The following RBFOX1 variants were observed in gnomAD, a reference collection of about 807,000 sequenced individuals.
The protein encoded by RBFOX1 is RNA binding protein fox-1 homolog 1.
In RBFOX1, 8 loss-of-function variants were observed where a neutral mutation model predicts 57.7. That is an observed-to-expected ratio of 0.14 (90% CI 0.08 to 0.25). The LOEUF (loss-of-function observed/expected upper bound fraction) is 0.25. Ranked by LOEUF, RBFOX1 falls within the 10% of genes least tolerant of loss-of-function variation. RBFOX1 has a pLI of 1.00. For synonymous variants in RBFOX1, 326 were observed against 222.4 expected (o/e 1.47, Z -4.15); for missense variants, 611 against 548.5 (o/e 1.11, Z -1.14).
At chr16:6,733,837 G>C (rs1204074998) in intron 3 of RBFOX1, among the ~76,000 whole-genome samples, 1 of 152,206 alleles carries the variant, frequency 6.6e-6, no homozygotes, top group Non-Finnish European at 1.5e-5. Context: ...GAAAGCAGGA[G>C]CTCACTCCAG....
intron 2 of RBFOX1, among the ~76,000 whole-genome samples, chr16:5,471,145 T>C (rs1007742193): frequency 1.3e-5 from 2 of 152,196 alleles, no homozygotes; most frequent in South Asian, 4.1e-4. Flanking sequence ...GATTGATTAC[T>C]TTTAAAAACT....
At chr16:6,144,854 C>T (rs2096745558) in intron 1 of RBFOX1, among the ~76,000 whole-genome samples, 1 of 152,074 alleles carries the variant, frequency 6.6e-6, no homozygotes, top group Non-Finnish European at 1.5e-5. Flanking sequence ...GTGAATCATC[C>T]CTCTTATGCA....
chr16:6,690,551 C>T (rs557482705), intron 3 of RBFOX1, among the ~76,000 whole-genome samples: 1 of 62,666 alleles, frequency 1.6e-5, no homozygotes, highest in Admixed American at 2.3e-4. Context: ...CAAAGATCAT[C>T]GTTTCAAAAC....
intron 4 of RBFOX1, among the ~76,000 whole-genome samples, chr16:5,956,200 C>G (rs2059635278): frequency 6.6e-6 from 1 of 152,104 alleles, no homozygotes. Flanking sequence ...TGCTTGAACC[C>G]AGGAGGTGGA....
At chr16:7,239,688 C>G (rs12933571) in intron 4 of RBFOX1, among the ~76,000 whole-genome samples, 12,135 of 152,148 alleles carry the variant, frequency 0.08, 561 homozygotes, top group East Asian at 0.19. Flanking sequence ...GATTATTTTA[C>G]TCTTCTGGGT....
At chr16:7,313,873 C>A (rs1458547883) in intron 4 of RBFOX1, among the ~76,000 whole-genome samples, 1 of 152,138 alleles carries the variant, frequency 6.6e-6, no homozygotes, top group Admixed American at 6.5e-5. Flanking sequence ...CCTCACTGTG[C>A]CGGCCAGTGG....
intron 3 of RBFOX1, among the ~76,000 whole-genome samples, chr16:6,972,054 T>A (rs1351916178): frequency 6.6e-6 from 1 of 152,176 alleles, no homozygotes; most frequent in African/African-American, 2.4e-5. Flanking sequence ...AAGACTTTTG[T>A]TTCCTTAACA....
At chr16:5,864,006 G>T (rs1216294591) in intron 3 of RBFOX1, among the ~76,000 whole-genome samples, 1 of 152,104 alleles carries the variant, frequency 6.6e-6, no homozygotes, top group Non-Finnish European at 1.5e-5. Flanking sequence ...TCATCCCCCA[G>T]GTATTAAGCC....
intron 2 of RBFOX1, among the ~76,000 whole-genome samples, chr16:6,596,691 A>G (rs2097779688): frequency 6.7e-6 from 1 of 149,936 alleles, no homozygotes; most frequent in Admixed American, 6.6e-5. Context: ...TTATAAATAC[A>G]GTTGATTCTA....
chr16:7,547,596 G>A (rs1567769334), intron 5 of RBFOX1, among the ~76,000 whole-genome samples: 1 of 152,150 alleles, frequency 6.6e-6, no homozygotes, highest in African/African-American at 2.4e-5. Context: ...CCACACTGCT[G>A]GCAGTGTTAG....
intron 3 of RBFOX1, among the ~76,000 whole-genome samples, chr16:6,967,539 C>T (rs1047876008): frequency 2.0e-5 from 3 of 152,122 alleles, no homozygotes. Flanking sequence ...GCTGAATAGA[C>T]TGACTTGCTT....
intron 3 of RBFOX1, among the ~76,000 whole-genome samples, chr16:6,916,108 G>A (rs186944205): frequency 6.6e-6 from 1 of 152,256 alleles, no homozygotes; most frequent in East Asian, 1.9e-4. Context: ...CATAAGCGCT[G>A]TGTACAAGAC....
intron 1 of RBFOX1, among the ~76,000 whole-genome samples, chr16:5,281,619 C>A (rs748688678): frequency 2.0e-5 from 3 of 152,154 alleles, no homozygotes; most frequent in Non-Finnish European, 4.4e-5. Context: ...ATGTTGGTTG[C>A]ATGCATATTT....
chr16:5,908,095 T>TATATATATATATATACAC (rs1567133450), intron 4 of RBFOX1, among the ~76,000 whole-genome samples: 13 of 139,876 alleles, frequency 9.3e-5, no homozygotes, highest in African/African-American at 3.9e-4. Flanking sequence ...TACACATATA[T>TATATATATATATATACAC]ACACATATAT....
chr16:6,231,174 C>T (rs17139608), intron 1 of RBFOX1, among the ~76,000 whole-genome samples: 29,682 of 151,008 alleles, frequency 0.2, 3,676 homozygotes, highest in East Asian at 0.45. Context: ...AAAAGGAAGT[C>T]GGGGCTGTTT....
rs142286724 is a variant in RBFOX1 at position 5,793,333 on chromosome 16, T to C, written c.319-73970T>C. Among the ~76,000 whole-genome samples, 389 of 152,384 alleles carry C rather than the reference T, an allele frequency of 2.6e-3. 1 individual carries two copies. Among genetic ancestry groups the C allele is most frequent in the African/African-American group, 8.0e-3 (331 of 41,596 alleles). ...TAACCGTGTTTGTTTCTGTCTTTTC[T>C]TGTTTTGTCAACATGCCATTGAAAA... On this transcript the variant is annotated intron_variant, in intron 3 of 19. Coordinates refer to the RBFOX1 transcript ENST00000641259.
rs13336760 is a variant in RBFOX1 at position 5,545,683 on chromosome 16, G to A, written c.259-53219G>A. On this transcript the variant is annotated intron_variant, in intron 2 of 2. Coordinates refer to the RBFOX1 transcript ENST00000585867. ...TTAAAAAAAAACCCCTCATCAAGTA[G>A]GAATGTAAGGAAATTACTTTGATAA... Among the ~76,000 whole-genome samples the A allele has an allele frequency of 6.8e-3, 1,040 of 152,020 alleles. 14 individuals carry two copies. Among genetic ancestry groups the A allele is most frequent in the African/African-American group, 0.024 (977 of 41,484 alleles).
chr16:6,357,963 G>GA (rs112841567), intron 2 of RBFOX1, among the ~76,000 whole-genome samples: 44,406 of 114,942 alleles, frequency 0.39, 8,031 homozygotes, highest in African/African-American at 0.57. Context: ...TCTCAAAAAA[G>GA]AAAAAAAAAA....
intron 4 of RBFOX1, among the ~76,000 whole-genome samples, chr16:7,482,542 ATTTTTT>A (rs1178577326): frequency 0.015 from 1,152 of 77,168 alleles, 6 homozygotes; most frequent in Non-Finnish European, 0.022. Flanking sequence ...ATTGCCTGGG[ATTTTTT>A]TTTTTTTTTT....
Sources: gnomAD v4.1 joint callset for allele counts (sites outside exome capture counted in the v4.1 genomes callset) on GRCh38, gnomAD v4.1.1 for gene constraint, MANE v1.5 for transcripts, NCBI Gene and HGNC (gene_info 2026-07-23, HGNC 2026-07-21) for gene names.